SYNDIG1: variants seen among roughly 807,000 people sequenced by gnomAD.
SYNDIG1 encodes synapse differentiation inducing 1.
Under a neutral mutation model 19.4 loss-of-function variants are expected in SYNDIG1, and 9 were observed. That is an observed-to-expected ratio of 0.46 (90% CI 0.28 to 0.81). The LOEUF (loss-of-function observed/expected upper bound fraction) is 0.81. SYNDIG1 is among the 30% of genes least tolerant of loss of function. The pLI, the probability that SYNDIG1 is intolerant of heterozygous loss-of-function variation, is 0.12. For missense variants in SYNDIG1, 311 were observed against 343.3 expected (o/e 0.91, Z 0.74); for synonymous variants, 141 against 145.9 (o/e 0.97, Z 0.24).
intron 1 of SYNDIG1, among the ~76,000 whole-genome samples, chr20:24,495,065 C>T (rs2056262127): frequency 6.6e-6 from 1 of 152,186 alleles, no homozygotes; most frequent in South Asian, 2.1e-4. Context: ...TGGTCATTGA[C>T]AGCTGTATTT....
At chr20:24,547,514 C>T (rs1343948817) in intron 2 of SYNDIG1, among the ~76,000 whole-genome samples, 1 of 152,104 alleles carries the variant, frequency 6.6e-6, no homozygotes, top group East Asian at 1.9e-4. Flanking sequence ...TAGGGGACCT[C>T]TGGGGCTTTG....
chr20:24,531,804 C>T (rs2057265847), intron 1 of SYNDIG1, among the ~76,000 whole-genome samples: 1 of 152,212 alleles, frequency 6.6e-6, no homozygotes, highest in Non-Finnish European at 1.5e-5. Flanking sequence ...GCTCAGATCC[C>T]ATTTCTGGTG....
At chr20:24,562,857 T>C (rs1166020920) in intron 2 of SYNDIG1, among the ~76,000 whole-genome samples, 1 of 152,236 alleles carries the variant, frequency 6.6e-6, no homozygotes, top group East Asian at 1.9e-4. Context: ...ACTGTAAGGC[T>C]ATAACTATTA....
chr20:24,498,010 C>A (rs1411053029), intron 1 of SYNDIG1, among the ~76,000 whole-genome samples: 2 of 152,194 alleles, frequency 1.3e-5, no homozygotes, highest in East Asian at 3.8e-4. Flanking sequence ...CAGCCAAAGG[C>A]CTGGGCAGGT....
At chr20:24,573,057 TG>T (rs2058170365) in intron 2 of SYNDIG1, among the ~76,000 whole-genome samples, 1 of 152,200 alleles carries the variant, frequency 6.6e-6, no homozygotes, top group Non-Finnish European at 1.5e-5. Flanking sequence ...CCCACTGCTC[TG>T]CTGTAAGTTC....
intron 3 of SYNDIG1, among the ~76,000 whole-genome samples, chr20:24,647,559 C>T (rs1276580396): frequency 6.6e-6 from 1 of 151,876 alleles, no homozygotes; most frequent in Non-Finnish European, 1.5e-5. Context: ...AAAGGAGAGG[C>T]ACTTGTCAAT....
chr20:24,641,830 C>T (rs1041649607), intron 3 of SYNDIG1, among the ~76,000 whole-genome samples: 1 of 152,136 alleles, frequency 6.6e-6, no homozygotes, highest in Non-Finnish European at 1.5e-5. Context: ...TTAAAGTCAA[C>T]TTTTTATTTT....
chr20:24,654,650 G>GAGGGAGGAAGGAAGGAAGGA (rs1374663588), intron 3 of SYNDIG1, among the ~76,000 whole-genome samples: 5 of 117,350 alleles, frequency 4.3e-5, no homozygotes, highest in African/African-American at 1.7e-4. Flanking sequence ...GGGAGGGAGG[G>GAGGGAGGAAGGAAGGAAGGA]AGGAAGGAAG....
Position 24,571,474 on chromosome 20 carries a change from C to CAT in SYNDIG1, c.481-13370_481-13369dup, listed in dbSNP as rs142220253. On this transcript the variant is annotated intron_variant, in intron 2 of 3. Coordinates refer to ENST00000376862, the MANE Select transcript of SYNDIG1 (RefSeq NM_024893.3). The stretch of plus-strand genomic sequence containing the variant: ...GTAAGTCCAAAATTATTTCAAAGTG[C>CAT]ATATATATATATACACACACACAAT... Among the ~76,000 whole-genome samples the CAT allele has an allele frequency of 3.4e-3, 516 of 151,350 alleles. 1 individual carries two copies. Among genetic ancestry groups the CAT allele is most frequent in the African/African-American group, 5.0e-3 (205 of 41,290 alleles).
intron 1 of SYNDIG1, among the ~76,000 whole-genome samples, chr20:24,482,225 A>T (rs917739307): frequency 1.3e-5 from 2 of 152,158 alleles, no homozygotes; most frequent in Non-Finnish European, 2.9e-5. Flanking sequence ...TTTTTCTGAG[A>T]TGGAGTCTCA....
intron 1 of SYNDIG1, among the ~76,000 whole-genome samples, chr20:24,525,248 T>G (rs868125854): frequency 6.6e-6 from 1 of 151,690 alleles, no homozygotes; most frequent in Non-Finnish European, 1.5e-5. Context: ...GAAAATGATC[T>G]GTAAGATACT....
intron 3 of SYNDIG1, among the ~76,000 whole-genome samples, chr20:24,663,772 C>T (rs1406595223): frequency 2.0e-5 from 3 of 152,332 alleles, no homozygotes; most frequent in East Asian, 3.9e-4. Context: ...CCTCTCTGCA[C>T]CCCTTTGCAT....
At chr20:24,500,534 T>TTTCTTTC (rs1555786871) in intron 1 of SYNDIG1, among the ~76,000 whole-genome samples, 103 of 142,722 alleles carry the variant, frequency 7.2e-4, no homozygotes, top group African/African-American at 2.7e-3. Context: ...TTCTTTCTTC[T>TTTCTTTC]TTCTTTCTTT....
intron 2 of SYNDIG1, among the ~76,000 whole-genome samples, chr20:24,578,460 G>A (rs1600669896): frequency 6.7e-6 from 1 of 149,600 alleles, no homozygotes; most frequent in African/African-American, 2.5e-5. Context: ...AAAAAAGAAA[G>A]AAAGAAAAAG....
At chr20:24,488,879 AG>A (rs2044192987) in intron 1 of SYNDIG1, among the ~76,000 whole-genome samples, 2 of 152,158 alleles carry the variant, frequency 1.3e-5, no homozygotes, top group African/African-American at 4.8e-5. Flanking sequence ...CTCGGAGGAA[AG>A]GGACACGCCT....
chr20:24,651,117 GT>G (rs1407726436), intron 3 of SYNDIG1, among the ~76,000 whole-genome samples: 1 of 152,174 alleles, frequency 6.6e-6, no homozygotes, highest in East Asian at 1.9e-4. Context: ...ATGTGTATTT[GT>G]TTTTATCATG....
chr20:24,633,689 A>G (rs2059282038), intron 3 of SYNDIG1, among the ~76,000 whole-genome samples: 1 of 152,040 alleles, frequency 6.6e-6, no homozygotes, highest in South Asian at 2.1e-4. Flanking sequence ...AGCTCCCAAG[A>G]CCTGCTGACT....
chr20:24,626,437 G>A (rs943453533), intron 3 of SYNDIG1, among the ~76,000 whole-genome samples: 3 of 151,856 alleles, frequency 2.0e-5, no homozygotes, highest in Non-Finnish European at 4.4e-5. Flanking sequence ...CATCCTAGAC[G>A]GGGCAGCAGG....
intron 3 of SYNDIG1, among the ~76,000 whole-genome samples, chr20:24,590,997 G>A (rs769830500): frequency 3.9e-5 from 6 of 152,148 alleles, no homozygotes; most frequent in Non-Finnish European, 7.4e-5. Flanking sequence ...GGAGGGACTT[G>A]TGGGTGCTGG....
Sources: gnomAD v4.1 joint callset for allele counts (sites outside exome capture counted in the v4.1 genomes callset) on GRCh38, gnomAD v4.1.1 for gene constraint, MANE v1.5 for transcripts, NCBI Gene and HGNC (gene_info 2026-07-23, HGNC 2026-07-21) for gene names.